Variants in JAK1 observed in about 807,000 individuals in gnomAD.
JAK1 encodes the protein tyrosine-protein kinase JAK1.
JAK1 carries 16 observed loss-of-function variants against 136.6 expected under a neutral mutation model. That is an observed-to-expected ratio of 0.12 (90% CI 0.08 to 0.18). The LOEUF (loss-of-function observed/expected upper bound fraction) is 0.18, where lower values mean the gene tolerates loss of function less well. Among genes scored for constraint, JAK1 ranks in the 10% least tolerant of loss-of-function variants. The pLI, the probability that JAK1 is intolerant of heterozygous loss-of-function variation, is 1.00. For missense variants in JAK1, 859 were observed against 1,450.1 expected, an observed-to-expected ratio of 0.59 and a Z score of 6.62; for synonymous variants, 492 against 519.5, an observed-to-expected ratio of 0.95 and a Z score of 0.72.
chr1:64,976,452 G>C (rs1012597754), intron 2 of JAK1, among the ~76,000 whole-genome samples: 1 of 152,148 alleles, frequency 6.6e-6, no homozygotes. Context: ...TGACCTTGTT[G>C]GTTATTATGG....
chr1:64,882,635 G>C (rs748544420), intron 3 of JAK1, among the ~76,000 whole-genome samples: 1 of 152,094 alleles, frequency 6.6e-6, no homozygotes, highest in Non-Finnish European at 1.5e-5. Context: ...AGGATGAAAG[G>C]GACTTTGGTT....
intron 4 of JAK1, among the ~76,000 whole-genome samples, chr1:64,874,644 C>T (rs139910591): frequency 9.2e-5 from 14 of 152,260 alleles, no homozygotes; most frequent in African/African-American, 3.1e-4. Flanking sequence ...TGAGCCAAGC[C>T]AGCCCAGGCC....
chr1:65,057,341 A>G (rs559927935), intron 1 of JAK1, among the ~76,000 whole-genome samples: 1 of 152,252 alleles, frequency 6.6e-6, no homozygotes, highest in East Asian at 1.9e-4. Context: ...GTTCTCCAAT[A>G]ACCACCTTTC....
chr1:65,031,080 G>C (rs1209229172), intron 2 of JAK1, among the ~76,000 whole-genome samples: 3 of 151,290 alleles, frequency 2.0e-5, no homozygotes, highest in Non-Finnish European at 4.4e-5. Flanking sequence ...GTTGAGCCAG[G>C]GAGGGTGAGA....
intron 4 of JAK1, among the ~76,000 whole-genome samples, chr1:64,878,561 G>GTATATATATATA (rs56881589): frequency 4.2e-5 from 5 of 119,926 alleles, no homozygotes; most frequent in Non-Finnish European, 8.8e-5. Flanking sequence ...TATATAGTGT[G>GTATATATATATA]TATATATATA....
intron 8 of JAK1, among the ~76,000 whole-genome samples, chr1:64,860,641 AC>A (rs1656241554): frequency 6.6e-6 from 1 of 151,926 alleles, no homozygotes; most frequent in Non-Finnish European, 1.5e-5. Flanking sequence ...TTTAGTAGAT[AC>A]GGGGTTTCAC....
intron 1 of JAK1, among the ~76,000 whole-genome samples, chr1:64,966,044 C>T (rs1392791993): frequency 1.3e-5 from 2 of 152,084 alleles, no homozygotes; most frequent in African/African-American, 4.8e-5. Context: ...TTTATGAAAA[C>T]TTGCCGTGCG....
intron 1 of JAK1, among the ~76,000 whole-genome samples, chr1:65,055,924 T>C (rs1569962514): frequency 1.3e-5 from 2 of 152,198 alleles, no homozygotes; most frequent in South Asian, 4.1e-4. Flanking sequence ...TGGGTAAGTA[T>C]AAAACCCAAT....
intron 1 of JAK1, among the ~76,000 whole-genome samples, chr1:65,052,120 T>C (rs1041583529): frequency 6.5e-5 from 1 of 15,318 alleles, no homozygotes; most frequent in South Asian, 3.1e-3. Context: ...GCCTGGCTAT[T>C]TTTTTTTTTT....
At chr1:65,032,365 T>C (rs906145325) in intron 2 of JAK1, among the ~76,000 whole-genome samples, 1 of 152,248 alleles carries the variant, frequency 6.6e-6, no homozygotes, top group Non-Finnish European at 1.5e-5. Flanking sequence ...GAAATGTAAT[T>C]ACTCTTTTGT....
intron 2 of JAK1, among the ~76,000 whole-genome samples, chr1:64,976,521 G>C (rs1326235403): frequency 6.6e-6 from 1 of 152,128 alleles, no homozygotes; most frequent in African/African-American, 2.4e-5. Flanking sequence ...CCATTCCTTG[G>C]CCAGAGTCCC....
At chr1:65,044,274 T>C (rs74080264) in intron 2 of JAK1, among the ~76,000 whole-genome samples, 231 of 152,314 alleles carry the variant, frequency 1.5e-3, no homozygotes, top group African/African-American at 4.6e-3. Flanking sequence ...GCTGGGACCC[T>C]GAACTGGTGA....
At chr1:64,892,890 A>G (rs1347876686) in intron 1 of JAK1, among the ~76,000 whole-genome samples, 1 of 152,214 alleles carries the variant, frequency 6.6e-6, no homozygotes, top group African/African-American at 2.4e-5. Context: ...GAAGTAACAC[A>G]AATACATCTG....
intron 2 of JAK1, among the ~76,000 whole-genome samples, chr1:64,999,945 T>A (rs1233366317): frequency 6.6e-6 from 1 of 151,844 alleles, no homozygotes; most frequent in Non-Finnish European, 1.5e-5. Context: ...TAAATAAACA[T>A]TATAGAAAGT....
intron 2 of JAK1, among the ~76,000 whole-genome samples, chr1:65,032,304 A>G (rs1647030787): frequency 6.6e-6 from 1 of 152,188 alleles, no homozygotes; most frequent in Non-Finnish European, 1.5e-5. Context: ...TTTGCAAATC[A>G]AGATAAGAAA....
At chr1:64,985,625 G>C (rs1341727288) in intron 2 of JAK1, 1 of 825,064 alleles carries the variant, frequency 1.2e-6, no homozygotes, top group Non-Finnish European at 2.0e-6. Flanking sequence ...CCAGCTGGTT[G>C]AGAGTGCCAA....
intron 1 of JAK1, among the ~76,000 whole-genome samples, chr1:65,054,146 C>T (rs1319409007): frequency 6.6e-6 from 1 of 151,942 alleles, no homozygotes; most frequent in Non-Finnish European, 1.5e-5. Context: ...ACATGTGATC[C>T]CTTAGGGAAG....
intron 1 of JAK1, among the ~76,000 whole-genome samples, chr1:64,930,683 A>G (rs987705575): frequency 6.6e-6 from 1 of 152,202 alleles, no homozygotes; most frequent in African/African-American, 2.4e-5. Flanking sequence ...ATTCTACTAT[A>G]AAGACACATG....
intron 8 of JAK1, 64 bp from the exon 9 acceptor site, chr1:64,860,326 T>G: frequency 5.8e-6 from 8 of 1,388,862 alleles, no homozygotes; most frequent in Non-Finnish European, 6.8e-6. Context: ...TGGCTGACTC[T>G]GTAGGGAGGT....
Sources: allele counts gnomAD v4.1 joint callset (sites outside exome capture counted in the v4.1 genomes callset), GRCh38; gene constraint gnomAD v4.1.1; transcripts MANE v1.5; gene names NCBI Gene and HGNC (gene_info 2026-07-23, HGNC 2026-07-21).